The following ALK variants were observed in gnomAD, a reference collection of about 807,000 sequenced individuals.
ALK encodes ALK receptor tyrosine kinase.
ALK carries 74 observed loss-of-function variants against 163.1 expected under a neutral mutation model. That is an observed-to-expected ratio of 0.45 (90% CI 0.38 to 0.55). The LOEUF is 0.55. Among genes scored for constraint, ALK ranks in the 20% least tolerant of loss-of-function variants. ALK has a pLI of 0.00. For missense variants in ALK, 2,063 were observed against 2,105.3 expected (o/e 0.98, Z 0.39); for synonymous variants, 960 against 843.2 (o/e 1.14, Z -2.40).
chr2:29,735,708 G>A (rs1041592387), intron 1 of ALK, among the ~76,000 whole-genome samples: 5 of 152,144 alleles, frequency 3.3e-5, no homozygotes, highest in African/African-American at 1.2e-4. Context: ...GATAGCGAGT[G>A]AATTCTTGTG....
chr2:29,200,982 CGAT>C (rs997143197), intron 26 of ALK, among the ~76,000 whole-genome samples: 7 of 150,934 alleles, frequency 4.6e-5, no homozygotes, highest in African/African-American at 1.7e-4. Flanking sequence ...ACATTTGAAT[CGAT>C]GAAGATAATC....
In ALK at chr2:29,921,169, A is replaced by G. The variant is rs913126850; in HGVS notation, c.-510T>C. 3 of 235,922 alleles carry G rather than the reference A, an allele frequency of 1.3e-5. No individual in the cohort carries two copies. The highest frequency in any genetic ancestry group is 2.5e-5 in the Non-Finnish European group (3 of 120,140). 14.6% of individuals were successfully genotyped at this position (235,922 alleles called of 1,614,324 possible). On this transcript the variant is annotated 5_prime_UTR_variant, in exon 1 of 29. Transcript: ENST00000389048. The stretch of plus-strand genomic sequence containing the variant: ...CTTTTGCGTTCCTTTTGGCTCCTCC[A>G]AGCTCTTCTGCCCGGTCTGGGCGGG...
intron 5 of ALK, among the ~76,000 whole-genome samples, chr2:29,331,665 A>G (rs1464797123): frequency 5.9e-5 from 9 of 152,140 alleles, no homozygotes; most frequent in African/African-American, 2.2e-4. Context: ...CAGTGGGAGA[A>G]GATGCCCCCT....
At position 29,196,856 on chromosome 2, in the gene ALK, G is replaced by A. The variant is rs777303002; in HGVS notation, c.4078C>T (p.Arg1360Trp). The change falls in exon 28 of 29, where the codon CGG becomes TGG. Residue 1360 changes from arginine to tryptophan, a missense_variant. Transcript: ENST00000389048. Reference protein sequence around the residue: ...PPKNCPGPVYRIMTQCWQHQP... With the variant: ...PPKNCPGPVYWIMTQCWQHQP... ...TGTTGCCAGCACTGAGTCATTATCCGGTATCTAAAAGAAGAAGCACATTAA... is the reference window on the plus strand; with the variant it reads ...TGTTGCCAGCACTGAGTCATTATCCAGTATCTAAAAGAAGAAGCACATTAA... 6 of 1,611,632 alleles carry A rather than the reference G, an allele frequency of 3.7e-6. No individual in the cohort carries two copies. The highest frequency in any genetic ancestry group is 3.3e-5 in the Admixed American group (2 of 59,994).
chr2:29,456,995 A>G (rs1193792650), intron 4 of ALK, among the ~76,000 whole-genome samples: 1 of 152,198 alleles, frequency 6.6e-6, no homozygotes, highest in African/African-American at 2.4e-5. Flanking sequence ...ACACTCAAAG[A>G]AGAAAGAAAG....
intron 1 of ALK, among the ~76,000 whole-genome samples, chr2:29,837,284 G>A (rs930813514): frequency 3.9e-5 from 6 of 152,178 alleles, no homozygotes; most frequent in African/African-American, 1.4e-4. Context: ...GTCTTGCTGA[G>A]GCCAGGGAAG....
chr2:29,894,833 AACACACACAC>A (rs762896113), intron 1 of ALK, among the ~76,000 whole-genome samples: 41 of 150,086 alleles, frequency 2.7e-4, no homozygotes, highest in African/African-American at 7.2e-4. Context: ...TGATGCTTCA[AACACACACAC>A]ACACACACAA....
At chr2:29,273,502 C>A (rs1014836670) in intron 11 of ALK, among the ~76,000 whole-genome samples, 2 of 152,204 alleles carry the variant, frequency 1.3e-5, no homozygotes, top group Non-Finnish European at 1.5e-5. Flanking sequence ...CAGGCCCTTA[C>A]TGAGTAACCT....
At chr2:29,875,362 T>C (rs1666677349) in intron 1 of ALK, among the ~76,000 whole-genome samples, 1 of 152,226 alleles carries the variant, frequency 6.6e-6, no homozygotes, top group South Asian at 2.1e-4. Flanking sequence ...TAAATGGACT[T>C]AATGTCACTC....
chr2:29,388,577 G>A (rs1359779804), intron 4 of ALK, among the ~76,000 whole-genome samples: 1 of 152,180 alleles, frequency 6.6e-6, no homozygotes, highest in African/African-American at 2.4e-5. Flanking sequence ...TAAGATGGAG[G>A]TCATAATGCC....
At chr2:29,830,750 A>ACTT (rs1665351064) in intron 1 of ALK, among the ~76,000 whole-genome samples, 1 of 120,344 alleles carries the variant, frequency 8.3e-6, no homozygotes, top group Non-Finnish European at 1.7e-5. Flanking sequence ...AAAAAAAAAA[A>ACTT]AAACTTAGCC....
At chr2:29,703,471 G>A (rs1407265554) in intron 2 of ALK, among the ~76,000 whole-genome samples, 2 of 152,184 alleles carry the variant, frequency 1.3e-5, no homozygotes, top group Admixed American at 6.5e-5. Flanking sequence ...ACACTGCTTT[G>A]TGCTAAGCCT....
At chr2:29,660,890 C>A (rs1677327878) in intron 3 of ALK, among the ~76,000 whole-genome samples, 1 of 152,038 alleles carries the variant, frequency 6.6e-6, no homozygotes, top group African/African-American at 2.4e-5. Flanking sequence ...CTGCATTAGC[C>A]ATAAAGGCAT....
intron 4 of ALK, among the ~76,000 whole-genome samples, chr2:29,396,303 A>G (rs1011143609): frequency 6.6e-6 from 1 of 152,134 alleles, no homozygotes; most frequent in South Asian, 2.1e-4. Flanking sequence ...GGCAGAGAAG[A>G]ACTGAGACCC....
intron 4 of ALK, among the ~76,000 whole-genome samples, chr2:29,488,066 A>G (rs1671820663): frequency 6.6e-6 from 1 of 152,062 alleles, no homozygotes; most frequent in African/African-American, 2.4e-5. Flanking sequence ...ATCCCTTTAC[A>G]TTCAGTCTGC....
At chr2:29,592,053 C>T (rs773409649) in intron 3 of ALK, among the ~76,000 whole-genome samples, 70 of 152,054 alleles carry the variant, frequency 4.6e-4, no homozygotes, top group Non-Finnish European at 9.4e-4. Flanking sequence ...AGAACCAGCT[C>T]CCCAAAATCC....
chr2:29,267,703 A>T (rs1229206933), intron 11 of ALK, among the ~76,000 whole-genome samples: 1 of 152,042 alleles, frequency 6.6e-6, no homozygotes, highest in Non-Finnish European at 1.5e-5. Flanking sequence ...TCCTAGATTC[A>T]CTGTCCACCT....
At chr2:29,698,251 C>A (rs190305954) in intron 2 of ALK, among the ~76,000 whole-genome samples, 45 of 152,276 alleles carry the variant, frequency 3.0e-4, no homozygotes, top group African/African-American at 8.9e-4. Flanking sequence ...GTTTTCAGAG[C>A]AGACTGCAAA....
rs1024446713 is a variant in ALK, at chr2:29,251,040, G to C, written c.2204+65C>G. Reference sequence around the variant, plus strand: ...GGCACCCCAGGAACATGCACCCATAGGCAAGACTCCAGGCTTCTTCGGAAG... The same window carrying C: ...GGCACCCCAGGAACATGCACCCATACGCAAGACTCCAGGCTTCTTCGGAAG... On this transcript the variant is annotated intron_variant, in intron 12 of 28. Coordinates refer to ENST00000389048, the MANE Select transcript of ALK (RefSeq NM_004304.5). 56 of 1,555,400 alleles carry C rather than the reference G, an allele frequency of 3.6e-5. 1 individual carries two copies. In the South Asian group the frequency reaches 4.4e-4, roughly 12 times the overall value.
Sources: allele counts gnomAD v4.1 joint callset (sites outside exome capture counted in the v4.1 genomes callset), GRCh38; gene constraint gnomAD v4.1.1; transcripts MANE v1.5; gene names NCBI Gene and HGNC (gene_info 2026-07-23, HGNC 2026-07-21).